The following MAF variants were observed in gnomAD, a reference collection of about 807,000 sequenced individuals.
MAF encodes the protein transcription factor Maf.
Under a neutral mutation model 22.0 loss-of-function variants are expected in MAF, and 10 were observed. That is an observed-to-expected ratio of 0.45 (90% confidence interval 0.28 to 0.77). The LOEUF (loss-of-function observed/expected upper bound fraction) is 0.77, where lower values mean the gene tolerates loss of function less well. Among genes scored for constraint, MAF ranks in the 30% least tolerant of loss-of-function variants. MAF has a pLI of 0.12. For synonymous variants in MAF, 337 were observed against 255.8 expected (o/e 1.32, Z -3.03); for missense variants, 544 against 548.4 (o/e 0.99, Z 0.08).
the MAF span, among the ~76,000 whole-genome samples, chr16:79,571,234 A>C: frequency 5.3e-5 from 8 of 152,016 alleles, no homozygotes; most frequent in African/African-American, 1.7e-4. Context: ...TCCCAGGGGG[A>C]TGAGCGGGAG....
chr16:79,364,963 C>T, the MAF span, among the ~76,000 whole-genome samples: 3 of 152,154 alleles, frequency 2.0e-5, no homozygotes, highest in East Asian at 5.8e-4. Flanking sequence ...TTCAGGGCAC[C>T]ACTGAAGGAG....
the MAF span, among the ~76,000 whole-genome samples, chr16:79,276,054 T>C: frequency 1.3e-5 from 2 of 151,736 alleles, no homozygotes; most frequent in Non-Finnish European, 2.9e-5. Flanking sequence ...GGTAGGAGAA[T>C]CTCTTGAACC....
downstream of MAF, among the ~76,000 whole-genome samples, chr16:79,589,221 G>A (rs527525392): frequency 2.0e-5 from 3 of 152,156 alleles, no homozygotes; most frequent in South Asian, 6.2e-4. Flanking sequence ...TTAAAAGTCT[G>A]TCCTCTTGAG....
chr16:79,280,191 C>A, the MAF span, among the ~76,000 whole-genome samples: 6 of 152,200 alleles, frequency 3.9e-5, no homozygotes, highest in Admixed American at 6.5e-5. Context: ...GCCAGTTGCA[C>A]GTGTTGGTTA....
the MAF span, among the ~76,000 whole-genome samples, chr16:79,243,296 T>C: frequency 9.9e-5 from 15 of 151,316 alleles, 1 homozygote; most frequent in Non-Finnish European, 1.6e-4. Context: ...TTTATTTTTG[T>C]TTTTTAAAAC....
rs961712675 is a variant in MAF at position 79,596,079 on chromosome 16, G to A, written c.1119-1526C>T. 17 of 1,062,100 alleles carry A rather than the reference G, an allele frequency of 1.6e-5. No homozygotes were observed. In the South Asian group the frequency reaches 6.8e-4, roughly 43 times the overall value. The allele number at this position is 1,062,100 out of a possible 1,614,324, so 65.8% of individuals were successfully genotyped here. A position where few individuals can be genotyped will look rare whatever the true frequency, so the allele number is the denominator to read the frequency against. ...GCGCTGTTTCTCTTTACCGTTCAAT[G>A]CATATGTGCGCAAGCCACCTCTGAT... is the stretch of plus-strand genomic sequence containing the variant. On this transcript the variant is annotated intron_variant, in intron 1 of 1. Transcript: ENST00000326043.
At chr16:79,204,186 G>C in the MAF span, 1 of 152,246 alleles carries the variant, frequency 6.6e-6, no homozygotes, top group Admixed American at 6.5e-5. Flanking sequence ...ACTGTACTTT[G>C]AGCAATGTAG....
the MAF span, among the ~76,000 whole-genome samples, chr16:79,358,906 G>A: frequency 6.6e-6 from 1 of 152,208 alleles, no homozygotes; most frequent in South Asian, 2.1e-4. Context: ...TGGCAGAAGT[G>A]GTCAGTGCTG....
the MAF span, among the ~76,000 whole-genome samples, chr16:79,358,840 A>G: frequency 6.6e-6 from 1 of 152,092 alleles, no homozygotes; most frequent in Non-Finnish European, 1.5e-5. Context: ...GGAGTCTGAG[A>G]TTGAGGTAGG....
the MAF span, among the ~76,000 whole-genome samples, chr16:79,543,540 G>A: frequency 2.6e-4 from 39 of 152,192 alleles, no homozygotes; most frequent in Non-Finnish European, 4.3e-4. Context: ...CAGGACAGAC[G>A]CGCTCAGTCA....
chr16:79,565,511 G>T, the MAF span, among the ~76,000 whole-genome samples: 16 of 152,088 alleles, frequency 1.1e-4, no homozygotes, highest in Admixed American at 2.0e-4. Flanking sequence ...TGTTGTGGGG[G>T]GGGGGACCAG....
At chr16:79,494,239 A>G in the MAF span, among the ~76,000 whole-genome samples, 1 of 152,192 alleles carries the variant, frequency 6.6e-6, no homozygotes, top group Non-Finnish European at 1.5e-5. Flanking sequence ...AAGCCAGGGA[A>G]TTAGCAAGCT....
the MAF span, among the ~76,000 whole-genome samples, chr16:79,400,504 G>A: frequency 6.6e-6 from 1 of 152,212 alleles, no homozygotes; most frequent in Non-Finnish European, 1.5e-5. Flanking sequence ...AACATGAGTT[G>A]GAGTTTATAC....
At chr16:79,530,026 A>T in the MAF span, among the ~76,000 whole-genome samples, 1 of 152,200 alleles carries the variant, frequency 6.6e-6, no homozygotes, top group Admixed American at 6.5e-5. Context: ...TTTGTTTATC[A>T]AGTGTCAGGA....
chr16:79,360,178 G>T, the MAF span, among the ~76,000 whole-genome samples: 7 of 152,036 alleles, frequency 4.6e-5, no homozygotes, highest in African/African-American at 1.7e-4. Flanking sequence ...GCTTGTGATG[G>T]GCTCCATTGA....
chr16:79,415,251 G>T, the MAF span, among the ~76,000 whole-genome samples: 2 of 140,148 alleles, frequency 1.4e-5, no homozygotes, highest in Non-Finnish European at 3.1e-5. Context: ...AAATTTTAGA[G>T]ACAGAAGGAA....
the MAF span, among the ~76,000 whole-genome samples, chr16:79,277,792 C>A: frequency 6.6e-6 from 1 of 152,132 alleles, no homozygotes; most frequent in Non-Finnish European, 1.5e-5. Context: ...ATAAATACGA[C>A]AATTGCCCAA....
At chr16:79,563,602 A>G in the MAF span, among the ~76,000 whole-genome samples, 1 of 152,200 alleles carries the variant, frequency 6.6e-6, no homozygotes, top group East Asian at 1.9e-4. Flanking sequence ...GGCATTTAAA[A>G]TAATATTAAA....
the MAF span, among the ~76,000 whole-genome samples, chr16:79,536,427 G>A: frequency 1.3e-5 from 2 of 152,206 alleles, no homozygotes; most frequent in Admixed American, 6.5e-5. Context: ...CAGATCACTT[G>A]AGGTCAGGAG....
Sources: allele counts gnomAD v4.1 joint callset (sites outside exome capture counted in the v4.1 genomes callset), GRCh38; gene constraint gnomAD v4.1.1; transcripts MANE v1.5; gene names NCBI Gene and HGNC (gene_info 2026-07-23, HGNC 2026-07-21).